CAMK2D: variants seen among roughly 807,000 people sequenced by gnomAD.
CAMK2D encodes calcium/calmodulin dependent protein kinase II delta.
In CAMK2D, 37 loss-of-function variants were observed where a neutral mutation model predicts 84.0. The ratio of observed to expected loss-of-function variants is 0.44; its 90% CI spans 0.34 to 0.58. The LOEUF (loss-of-function observed/expected upper bound fraction) is 0.58, where lower values mean the gene tolerates loss of function less well. Among genes scored for constraint, CAMK2D ranks in the 20% least tolerant of loss-of-function variants. CAMK2D has a pLI of 0.02. For missense variants in CAMK2D, 448 were observed against 652.5 expected, an observed-to-expected ratio of 0.69 and a Z score of 3.41; for synonymous variants, 202 against 212.5, an observed-to-expected ratio of 0.95 and a Z score of 0.43.
At chr4:113,479,496 T>C (rs2097672334) in intron 16 of CAMK2D, among the ~76,000 whole-genome samples, 1 of 152,194 alleles carries the variant, frequency 6.6e-6, no homozygotes, top group African/African-American at 2.4e-5. Context: ...ATTAATCTAT[T>C]AAGTGCCTAT....
chr4:113,602,847 C>T lies in CAMK2D; in HGVS notation c.275+6305G>A, dbSNP rs141433548. On this transcript the variant is annotated intron_variant, in intron 4 of 20. Coordinates refer to ENST00000511664, the MANE Select transcript of CAMK2D (RefSeq NM_001321571.2). ...GTCAGTCTAATTTGCGGGGTCCCAGCCGATAAACCTAAAACGGGTAGAGGG... is the reference window on the plus strand; with the variant it reads ...GTCAGTCTAATTTGCGGGGTCCCAGTCGATAAACCTAAAACGGGTAGAGGG... Among the ~76,000 whole-genome samples, 18 of 152,270 alleles carry T rather than the reference C, an allele frequency of 1.2e-4. 1 individual carries two copies. The highest frequency in any genetic ancestry group is 5.2e-4 in the Admixed American group (8 of 15,292).
intron 4 of CAMK2D, among the ~76,000 whole-genome samples, chr4:113,593,923 T>C (rs535292921): frequency 6.6e-6 from 1 of 152,228 alleles, no homozygotes; most frequent in South Asian, 2.1e-4. Flanking sequence ...GTGCTTTTTT[T>C]TTTCCTAACC....
At chr4:113,617,468 A>C (rs577696382) in intron 3 of CAMK2D, among the ~76,000 whole-genome samples, 2 of 152,208 alleles carry the variant, frequency 1.3e-5, no homozygotes, top group South Asian at 4.1e-4. Flanking sequence ...GTCTTAAAAA[A>C]AAAAAAAAAT....
intron 16 of CAMK2D, among the ~76,000 whole-genome samples, chr4:113,477,668 C>T (rs536154034): frequency 3.6e-4 from 54 of 148,548 alleles, no homozygotes; most frequent in African/African-American, 1.2e-3. Context: ...ATTGCTTGAA[C>T]GTGGGTGGTG....
intron 3 of CAMK2D, among the ~76,000 whole-genome samples, chr4:113,617,911 TACAC>T (rs1430458944): frequency 6.6e-6 from 1 of 151,086 alleles, no homozygotes; most frequent in Non-Finnish European, 1.5e-5. Context: ...GCTTGGGTCA[TACAC>T]ACACACTCAC....
rs548889571 is a variant in CAMK2D, at chr4:113,547,865, T to C, written c.342-149A>G. The C allele has an allele frequency of 5.7e-5, 27 of 470,830 alleles. No individual in the cohort carries two copies. The East Asian group carries it at 7.7e-4, about 13-fold the overall frequency. The allele number at this position is 470,830 out of a possible 1,614,324, so 29.2% of individuals were successfully genotyped here. On this transcript the variant is annotated intron_variant, in intron 5 of 20. Coordinates refer to ENST00000511664, the MANE Select transcript of CAMK2D (RefSeq NM_001321571.2). ...CAGTCATGTAAACATATTGCTCAAG[T>C]AGAGTGACTACTACCTCAGAACAAT... is the stretch of plus-strand genomic sequence containing the variant.
intron 6 of CAMK2D, among the ~76,000 whole-genome samples, chr4:113,543,663 T>C (rs943627462): frequency 3.3e-5 from 5 of 152,172 alleles, no homozygotes; most frequent in Non-Finnish European, 5.9e-5. Flanking sequence ...TTGATGAATA[T>C]TCATTCTTCT....
intron 16 of CAMK2D, among the ~76,000 whole-genome samples, chr4:113,492,216 T>A (rs1013383913): frequency 2.4e-4 from 37 of 152,278 alleles, no homozygotes; most frequent in Middle Eastern, 3.4e-3. Flanking sequence ...CTTTTCTAGT[T>A]CTTTTAATTG....
intron 3 of CAMK2D, among the ~76,000 whole-genome samples, chr4:113,617,657 CAG>C (rs1313525201): frequency 1.3e-5 from 2 of 151,942 alleles, no homozygotes; most frequent in African/African-American, 4.8e-5. Context: ...TAAGGAAAAA[CAG>C]AACAATTTTT....
chr4:113,483,578 G>A (rs778812466), intron 16 of CAMK2D, among the ~76,000 whole-genome samples: 131 of 151,988 alleles, frequency 8.6e-4, no homozygotes, highest in Middle Eastern at 3.4e-3. Context: ...GCTAATTTTC[G>A]TGTTTTGAGT....
chr4:113,513,778 C>A, intron 11 of CAMK2D, 52 bp downstream of exon 11: 4 of 808,096 alleles, frequency 4.9e-6, no homozygotes, highest in Non-Finnish European at 8.5e-6. Context: ...CACAGTATTT[C>A]ACTTCTTAGT....
chr4:113,601,750 C>T (rs1027392732), intron 4 of CAMK2D, among the ~76,000 whole-genome samples: 13 of 120,224 alleles, frequency 1.1e-4, no homozygotes, highest in Non-Finnish European at 2.1e-4. Flanking sequence ...ACCTAGAGTG[C>T]AGTGGCGTGA....
intron 19 of CAMK2D, chr4:113,456,711 G>A (rs182557701): frequency 6.6e-6 from 1 of 152,396 alleles, no homozygotes; most frequent in African/African-American, 2.4e-5. Context: ...ATCAATGATT[G>A]GCTAAATGAG....
intron 2 of CAMK2D, among the ~76,000 whole-genome samples, chr4:113,686,571 T>C (rs1362769501): frequency 6.6e-6 from 1 of 152,214 alleles, no homozygotes; most frequent in Non-Finnish European, 1.5e-5. Context: ...TTTTTAAATT[T>C]AAGAAGGAAG....
intron 7 of CAMK2D, among the ~76,000 whole-genome samples, chr4:113,533,997 C>T (rs2098474177): frequency 6.6e-6 from 1 of 151,288 alleles, no homozygotes; most frequent in Non-Finnish European, 1.5e-5. Context: ...TGTAATGGAC[C>T]TCGTATATTT....
At chr4:113,583,700 T>C (rs1314950892) in intron 4 of CAMK2D, among the ~76,000 whole-genome samples, 5 of 152,356 alleles carry the variant, frequency 3.3e-5, no homozygotes, top group South Asian at 2.1e-4. Flanking sequence ...GTTTAACTTA[T>C]ATACAGTTAC....
chr4:113,612,945 G>A (rs1419845767), intron 3 of CAMK2D, among the ~76,000 whole-genome samples: 1 of 151,984 alleles, frequency 6.6e-6, no homozygotes, highest in South Asian at 2.1e-4. Context: ...TTCTCTTCCT[G>A]TTCTGTGTTC....
At chr4:113,494,335 T>C (rs1215350443) in intron 16 of CAMK2D, among the ~76,000 whole-genome samples, 2 of 152,250 alleles carry the variant, frequency 1.3e-5, no homozygotes, top group Admixed American at 1.3e-4. Context: ...AAGTCCTTTC[T>C]GTTTGTTAGT....
chr4:113,515,569 A>G (rs13146211), intron 9 of CAMK2D, among the ~76,000 whole-genome samples: 45,944 of 152,146 alleles, frequency 0.3, 7,755 homozygotes, highest in African/African-American at 0.45. Flanking sequence ...AAACTTAATA[A>G]AAGCAAACAG....
Sources: gnomAD v4.1 joint callset for allele counts (sites outside exome capture counted in the v4.1 genomes callset) on GRCh38, gnomAD v4.1.1 for gene constraint, MANE v1.5 for transcripts, NCBI Gene and HGNC (gene_info 2026-07-23, HGNC 2026-07-21) for gene names.